Variants in COPS4 observed in about 807,000 individuals in gnomAD.
COPS4 encodes the protein COP9 signalosome complex subunit 4.
Under a neutral mutation model 55.1 loss-of-function variants are expected in COPS4, and 8 were observed. The observed-to-expected ratio is 0.15, with a 90% CI of 0.09 to 0.26. The LOEUF (loss-of-function observed/expected upper bound fraction) is 0.26. Among genes scored for constraint, COPS4 ranks in the 10% least tolerant of loss-of-function variants. The probability of loss-of-function intolerance (pLI) is 1.00; values close to 1 mark genes in which losing one functional copy is unlikely to be tolerated. For synonymous variants in COPS4, 185 were observed against 165.7 expected (o/e 1.12, Z -0.90); for missense variants, 248 against 484.0 (o/e 0.51, Z 4.58).
At position 83,056,863 on chromosome 4, in the gene COPS4, A is replaced by G. The variant is rs143693472; in HGVS notation, c.411-63A>G. The stretch of plus-strand genomic sequence containing the variant: ...ATCAGGAAAAAACAACATATCTTCT[A>G]TTATTCCTAAAATTTTCTTGACAAA... On this transcript the variant is annotated intron_variant, in intron 4 of 9. Transcript: ENST00000264389. 72 of 1,334,768 alleles carry G rather than the reference A, an allele frequency of 5.4e-5. No individual in the cohort carries two copies. The African/African-American group carries it at 9.4e-4, about 17-fold the overall frequency. The allele number at this position is 1,334,768 out of a possible 1,614,324, so 82.7% of individuals were successfully genotyped here.
intron 2 of COPS4, 27 bp from the exon 3 acceptor site, chr4:83,049,136 TTTC>T: frequency 6.4e-7 from 1 of 1,572,072 alleles, no homozygotes; most frequent in South Asian, 1.2e-5. Flanking sequence ...CAGCTCATGT[TTTC>T]TTATCTTTTT....
chr4:83,053,631 G>A (rs968368389), intron 4 of COPS4, among the ~76,000 whole-genome samples: 5 of 151,846 alleles, frequency 3.3e-5, no homozygotes, highest in African/African-American at 9.7e-5. Flanking sequence ...ACCTGAGGTC[G>A]GGAGCTTGAG....
intron 1 of COPS4, among the ~76,000 whole-genome samples, chr4:83,040,808 A>T (rs1490303240): frequency 8.0e-6 from 1 of 125,444 alleles, no homozygotes; most frequent in South Asian, 2.4e-4. Context: ...CGTTTAGTTC[A>T]CCATTACTGT....
intron 3 of COPS4, 21 bp from the exon 4 acceptor site, chr4:83,049,860 C>T: frequency 1.5e-6 from 2 of 1,351,472 alleles, no homozygotes; most frequent in Non-Finnish European, 2.1e-6. Flanking sequence ...AATAATTTGA[C>T]ATGTATACCT....
At chr4:83,068,335 GT>G (rs1731338670) in intron 8 of COPS4, 102 bp from the exon 9 acceptor site, 2 of 743,568 alleles carry the variant, frequency 2.7e-6, no homozygotes, top group South Asian at 3.2e-5. Flanking sequence ...TATATGTAAA[GT>G]TTAGTGATGG....
intron 1 of COPS4, among the ~76,000 whole-genome samples, chr4:83,039,046 T>A (rs1730494781): frequency 6.6e-6 from 1 of 152,192 alleles, no homozygotes; most frequent in Admixed American, 6.5e-5. Flanking sequence ...CCCTTTGCTG[T>A]GAAATAAACC....
intron 9 of COPS4, among the ~76,000 whole-genome samples, chr4:83,071,908 C>A (rs1731440111): frequency 6.6e-6 from 1 of 151,858 alleles, no homozygotes; most frequent in East Asian, 1.9e-4. Flanking sequence ...GACGGGGTTT[C>A]ACCATGTTGG....
intron 4 of COPS4, among the ~76,000 whole-genome samples, chr4:83,054,280 T>C (rs1057187306): frequency 2.0e-5 from 3 of 152,150 alleles, no homozygotes; most frequent in Admixed American, 2.0e-4. Context: ...AGGCGGAGCT[T>C]GCAGTGAGCC....
intron 4 of COPS4, among the ~76,000 whole-genome samples, chr4:83,055,836 A>G (rs1730999828): frequency 6.6e-6 from 1 of 152,160 alleles, no homozygotes; most frequent in Non-Finnish European, 1.5e-5. Flanking sequence ...ATTTATAAAT[A>G]AATAATTTTA....
chr4:83,074,109 A>C (rs1731506493), intron 9 of COPS4, among the ~76,000 whole-genome samples: 1 of 152,188 alleles, frequency 6.6e-6, no homozygotes, highest in African/African-American at 2.4e-5. Context: ...ATTCAAGATG[A>C]CTTTTTTTGA....
chr4:83,055,789 A>G (rs978687557), intron 4 of COPS4, among the ~76,000 whole-genome samples: 1 of 152,142 alleles, frequency 6.6e-6, no homozygotes, highest in African/African-American at 2.4e-5. Context: ...CAATAATATC[A>G]TAATGGGTGA....
At chr4:83,042,885 A>C (rs1027719344) in intron 1 of COPS4, among the ~76,000 whole-genome samples, 1 of 151,228 alleles carries the variant, frequency 6.6e-6, no homozygotes, top group Non-Finnish European at 1.5e-5. Context: ...GATTACAGGC[A>C]TGAGCCACCA....
In COPS4 at chr4:83,075,479, G is replaced by C; in HGVS notation, c.*49G>C. ...ATGACATCTTTTTCCATGTTGTGCA[G>C]ATCAGTTTCACTATCTCCAAAGCAT... On this transcript the variant is annotated 3_prime_UTR_variant, in exon 10 of 10. Transcript: ENST00000264389. 1 of 1,605,892 alleles carries C rather than the reference G, an allele frequency of 6.2e-7. No homozygotes were observed. The highest frequency in any genetic ancestry group is 8.5e-7 in the Non-Finnish European group (1 of 1,175,270).
intron 4 of COPS4, among the ~76,000 whole-genome samples, chr4:83,055,951 C>A (rs1406347658): frequency 7.8e-6 from 1 of 127,468 alleles, no homozygotes. Context: ...TTTTTTGAGA[C>A]GAAGTCTCAC....
At chr4:83,073,463 C>G (rs940474243) in intron 9 of COPS4, 10 of 402,320 alleles carry the variant, frequency 2.5e-5, no homozygotes, top group Non-Finnish European at 4.4e-5. Flanking sequence ...CATTCTCAAA[C>G]ACCAATTTTT....
In COPS4 at chr4:83,035,439, G is replaced by C. The variant is rs564231660; in HGVS notation, c.74+141G>C. 6.9e-6 allele frequency: 4 copies of C among 582,136 alleles called. No individual in the cohort carries two copies. The East Asian group carries it at 1.7e-4, about 25-fold the overall frequency. The allele number at this position is 582,136 out of a possible 1,614,324, so 36.1% of individuals were successfully genotyped here. ...AAGGGGGCGGGCCTGAGGTCGGCTGGGGAGGCAAATGTTGGGAGAAGCAGA... is the reference window on the plus strand; with the variant it reads ...AAGGGGGCGGGCCTGAGGTCGGCTGCGGAGGCAAATGTTGGGAGAAGCAGA... On this transcript the variant is annotated intron_variant, in intron 1 of 9. Transcript: ENST00000264389.
chr4:83,071,893 A>G (rs886827409), intron 9 of COPS4, among the ~76,000 whole-genome samples: 2 of 151,408 alleles, frequency 1.3e-5, no homozygotes, highest in Non-Finnish European at 2.9e-5. Context: ...TTGTATTTTA[A>G]TAGAGACGGG....
intron 4 of COPS4, among the ~76,000 whole-genome samples, chr4:83,052,906 G>A (rs192509043): frequency 6.6e-6 from 1 of 152,288 alleles, no homozygotes; most frequent in East Asian, 1.9e-4. Context: ...TATTCTTAAG[G>A]AAGTTGAAAT....
rs757605970 is a variant in COPS4, at chr4:83,049,247, G to T, written c.236G>T (p.Ser79Ile). 1 of 1,611,524 alleles carries T rather than the reference G, an allele frequency of 6.2e-7. No individual in the cohort carries two copies. The highest frequency in any genetic ancestry group is 1.7e-5 in the Admixed American group (1 of 59,660). The change falls in exon 3 of 10, where the codon AGC becomes ATC. Residue 79 changes from serine to isoleucine, a missense_variant. By Grantham distance (142) the Ser-to-Ile change is moderately radical. This residue lies in a region of COPS4 where 155 missense variants were observed against 326.6 expected (regional missense o/e 0.47). Coordinates refer to ENST00000264389, the MANE Select transcript of COPS4 (RefSeq NM_016129.3). ...FCTHLPNLPD[S>I]TAKEIYHFTL... The stretch of plus-strand genomic sequence containing the variant: ...ACACATCTTCCTAACTTGCCTGATA[G>T]CACAGCCAAAGAAATCTATCACTTC...
Sources: allele counts gnomAD v4.1 joint callset (sites outside exome capture counted in the v4.1 genomes callset), GRCh38; gene constraint gnomAD v4.1.1; regional missense constraint gnomAD v4.1.1; transcripts MANE v1.5; gene names NCBI Gene and HGNC (gene_info 2026-07-23, HGNC 2026-07-21).